Variants in CUBN observed in about 807,000 individuals in gnomAD.
The protein encoded by CUBN is cubilin.
A neutral mutation model predicts 405.3 loss-of-function variants in CUBN; 282 were observed. The ratio of observed to expected loss-of-function variants is 0.70; its 90% CI spans 0.63 to 0.77. The LOEUF (loss-of-function observed/expected upper bound fraction) is 0.77. CUBN is among the 30% of genes least tolerant of loss of function. The probability of loss-of-function intolerance (pLI) is 0.00; values close to 1 mark genes in which losing one functional copy is unlikely to be tolerated. For missense variants in CUBN, 4,514 were observed against 4,475.2 expected, an observed-to-expected ratio of 1.01 and a Z score of -0.25; for synonymous variants, 1,684 against 1,617.0, an observed-to-expected ratio of 1.04 and a Z score of -0.99.
rs370642364 is a variant in CUBN, at chr10:16,925,241, C to A, written c.6646G>T (p.Ala2216Ser). 1.9e-6 allele frequency: 3 copies of A among 1,609,254 alleles called. No individual in the cohort carries two copies. The highest frequency in any genetic ancestry group is 2.7e-5 in the African/African-American group (2 of 74,752). The change falls in exon 43 of 67, where the codon GCC becomes TCC. Residue 2216 changes from alanine to serine, a missense_variant and splice_region_variant. Ala to Ser is a moderately conservative substitution (Grantham distance 99, BLOSUM62 1). Around this residue, in one of 5 missense-constraint regions of CUBN, gnomAD observed 1,613 missense variants for 1,542.8 expected, o/e 1.05. Coordinates refer to ENST00000377833, the MANE Select transcript of CUBN (RefSeq NM_001081.4). ...FKIKYEAKSLACGGNVYIHDA... is the reference protein window; with the variant it reads ...FKIKYEAKSLSCGGNVYIHDA... ...TATAATTCTCAGTGAAAATACTTAC[C>A]TAAACTCTTTGCCTCATATTTGATT...
chr10:16,855,592 T>C (rs1839847131), intron 59 of CUBN, among the ~76,000 whole-genome samples: 1 of 152,164 alleles, frequency 6.6e-6, no homozygotes, highest in Admixed American at 6.5e-5. Context: ...AGCTAGTCCG[T>C]GGACCCATAA....
At chr10:16,869,061 T>C (rs1295294520) in intron 59 of CUBN, among the ~76,000 whole-genome samples, 2 of 152,156 alleles carry the variant, frequency 1.3e-5, no homozygotes, top group East Asian at 3.9e-4. Flanking sequence ...CCCCTCTGGG[T>C]CCGTTCAAGG....
In CUBN at chr10:16,932,462, A is replaced by C. The variant is rs150114040; in HGVS notation, c.6124+625T>G. Among the ~76,000 whole-genome samples the C allele has an allele frequency of 1.1e-4, 17 of 152,130 alleles. No individual in the cohort carries two copies. In the East Asian group the frequency reaches 3.3e-3, roughly 29 times the overall value. The stretch of plus-strand genomic sequence containing the variant: ...ATACATCAGCAATATTTATGTCTCT[A>C]ACTTTATGTCACATAGCAACACCAT... On this transcript the variant is annotated intron_variant, in intron 40 of 66. Coordinates refer to ENST00000377833, the MANE Select transcript of CUBN (RefSeq NM_001081.4).
intron 4 of CUBN, 24 bp from the exon 5 acceptor site, chr10:17,123,713 A>G (rs754935923): frequency 6.5e-7 from 1 of 1,548,476 alleles, no homozygotes; most frequent in Non-Finnish European, 8.9e-7. Context: ...AGGACAGTCA[A>G]TGAGATGACT....
intron 59 of CUBN, among the ~76,000 whole-genome samples, chr10:16,857,204 TTTTG>T (rs1446384381): frequency 1.3e-5 from 2 of 152,230 alleles, no homozygotes; most frequent in Non-Finnish European, 2.9e-5. Context: ...TTTTTTATTG[TTTTG>T]TTTGTTTTTA....
chr10:17,074,520 C>T (rs888504545), intron 17 of CUBN, among the ~76,000 whole-genome samples: 3 of 152,108 alleles, frequency 2.0e-5, no homozygotes, highest in Admixed American at 1.3e-4. Context: ...ACATATTAAG[C>T]GCAAAGTAGT....
At chr10:17,028,900 A>G (rs1179105520) in intron 27 of CUBN, among the ~76,000 whole-genome samples, 2 of 152,228 alleles carry the variant, frequency 1.3e-5, no homozygotes, top group Non-Finnish European at 2.9e-5. Flanking sequence ...TGTGATTACC[A>G]GTGTTTAAAA....
At chr10:16,872,134 G>A (rs1173996839) in intron 58 of CUBN, among the ~76,000 whole-genome samples, 1 of 152,070 alleles carries the variant, frequency 6.6e-6, no homozygotes, top group Non-Finnish European at 1.5e-5. Context: ...CAGCTACTCA[G>A]GAGGCTAAGG....
chr10:16,869,451 A>AT (rs1410166670), intron 59 of CUBN, among the ~76,000 whole-genome samples, 185 bp downstream of exon 59: 1 of 145,014 alleles, frequency 6.9e-6, no homozygotes, highest in Non-Finnish European at 1.5e-5. Context: ...TTGTTGAGTG[A>AT]TTTTTTTACA....
intron 56 of CUBN, among the ~76,000 whole-genome samples, chr10:16,878,043 T>G (rs531417430): frequency 6.6e-6 from 1 of 152,340 alleles, no homozygotes; most frequent in Non-Finnish European, 1.5e-5. Context: ...ATCCCAGCAC[T>G]TTGGGAGGCC....
intron 60 of CUBN, among the ~76,000 whole-genome samples, 190 bp from the exon 61 acceptor site, chr10:16,841,237 A>G (rs909889808): frequency 1.3e-5 from 2 of 152,202 alleles, no homozygotes; most frequent in South Asian, 2.1e-4. Flanking sequence ...AAAACCTGTT[A>G]TGACGCCTAA....
rs1838724700 is a variant in CUBN, at chr10:16,824,795, C to T, written c.*180G>A. Reference sequence around the variant, plus strand: ...TCGGCCTCCCAAAGTGCTGAGAATACAGGGGGGTGAGCCACCACGCCTGGC... The same window carrying T: ...TCGGCCTCCCAAAGTGCTGAGAATATAGGGGGGTGAGCCACCACGCCTGGC... On this transcript the variant is annotated 3_prime_UTR_variant, in exon 67 of 67. Coordinates refer to ENST00000377833, the MANE Select transcript of CUBN (RefSeq NM_001081.4). The T allele has an allele frequency of 5.0e-6, 3 of 605,076 alleles. No individual in the cohort carries two copies. The highest frequency in any genetic ancestry group is 9.2e-6 in the Non-Finnish European group (3 of 325,410). The allele number at this position is 605,076 out of a possible 1,614,324, so 37.5% of individuals were successfully genotyped here.
Position 16,925,282 on chromosome 10 carries a change from T to A in CUBN, c.6605A>T (p.Glu2202Val), listed in dbSNP as rs766568485. Residue 2202 changes from glutamate to valine, a missense_variant, in exon 43 of 67, where the codon GAA (glutamate) becomes GTA (valine). Glu to Val is a moderately radical substitution (Grantham distance 121). Around this residue, in one of 5 missense-constraint regions of CUBN, gnomAD observed 1,613 missense variants for 1,542.8 expected, o/e 1.05. Coordinates refer to ENST00000377833, the MANE Select transcript of CUBN (RefSeq NM_001081.4). The part of the protein sequence containing the change: ...FVQFISDHSN[E>V]GQGFKIKYEA... ...ATATTTGATTTTAAATCCTTGCCCT[T>A]CATTACTGTGATCAGAAATAAACTG... 6 of 1,613,694 alleles carry A rather than the reference T, an allele frequency of 3.7e-6. No homozygotes were observed. Among genetic ancestry groups the A allele is most frequent in the Non-Finnish European group, 5.1e-6 (6 of 1,179,770 alleles).
At chr10:17,007,592 A>T (rs1206646389) in intron 28 of CUBN, among the ~76,000 whole-genome samples, 1 of 150,278 alleles carries the variant, frequency 6.7e-6, no homozygotes, top group African/African-American at 2.5e-5. Flanking sequence ...GTGTTTGGAG[A>T]TCGTACTGCA....
chr10:17,006,377 C>G (rs1834026655), intron 28 of CUBN, among the ~76,000 whole-genome samples: 1 of 152,172 alleles, frequency 6.6e-6, no homozygotes, highest in South Asian at 2.1e-4. Flanking sequence ...AGCTTACTCA[C>G]CCTCACACCC....
rs745607158 is a variant in CUBN, at chr10:16,915,956, C to G, written c.7075G>C (p.Asp2359His). 2 of 1,614,108 alleles carry G rather than the reference C, an allele frequency of 1.2e-6. No homozygotes were observed. The highest frequency in any genetic ancestry group is 2.2e-5 in the South Asian group (2 of 91,074). Residue 2359 changes from aspartate to histidine, a missense_variant, in exon 46 of 67, where the codon GAC (aspartate) becomes CAC (histidine). Asp to His is a moderately conservative substitution (Grantham distance 81). This residue lies in a region of CUBN where 1,613 missense variants were observed against 1,542.8 expected (regional missense o/e 1.05). Transcript: ENST00000377833. ...AGATGCCACTCACAGAATAAGTTGT[C>G]TCTGTATGGAAGTGTTGGATGTCCA... ...SIGHPTLPYR[D>H]NLFCEWHLQG... is the part of the protein sequence containing the mutation.
intron 36 of CUBN, among the ~76,000 whole-genome samples, chr10:16,942,921 A>G (rs1263490429): frequency 6.6e-6 from 1 of 151,998 alleles, no homozygotes; most frequent in Non-Finnish European, 1.5e-5. Context: ...GGGAAAGGAA[A>G]GGAAAAATGT....
Position 17,110,947 on chromosome 10 carries a change from C to G in CUBN, c.987G>C (p.Gly329=), listed in dbSNP as rs1836759059. 6.2e-7 allele frequency: 1 copy of G among 1,614,052 alleles called. No homozygotes were observed. The highest frequency in any genetic ancestry group is 1.1e-5 in the South Asian group (1 of 91,084). The change falls in exon 9 of 67, where the codon GGG becomes GGC. Residue 329 remains glycine, a synonymous_variant. Coordinates refer to ENST00000377833, the MANE Select transcript of CUBN (RefSeq NM_001081.4). ...GTGGACAGGCCTGGCAGTGGGAAGA[C>G]CCAGGTGTATTCACACACTCAACGG... ...APPVECVNTP[G]SSHCQACPPG...
chr10:16,890,860 G>T (rs982723786), intron 54 of CUBN, among the ~76,000 whole-genome samples: 1 of 152,122 alleles, frequency 6.6e-6, no homozygotes, highest in Non-Finnish European at 1.5e-5. Context: ...CGGGTGCTGA[G>T]GGAGACGGAG....
Sources: allele counts gnomAD v4.1 joint callset (sites outside exome capture counted in the v4.1 genomes callset), GRCh38; gene constraint gnomAD v4.1.1; regional missense constraint gnomAD v4.1.1; transcripts MANE v1.5; gene names NCBI Gene and HGNC (gene_info 2026-07-23, HGNC 2026-07-21).